AMBRA1: variants seen among roughly 807,000 people sequenced by gnomAD.
The protein encoded by AMBRA1 is autophagy and beclin 1 regulator 1.
A neutral mutation model predicts 125.4 loss-of-function variants in AMBRA1; 47 were observed. That is an observed-to-expected ratio of 0.37 (90% confidence interval 0.30 to 0.48). The LOEUF is 0.48. Among genes scored for constraint, AMBRA1 ranks in the 20% least tolerant of loss-of-function variants. The pLI, the probability that AMBRA1 is intolerant of heterozygous loss-of-function variation, is 0.99. For missense variants in AMBRA1, 1,331 were observed against 1,693.4 expected (o/e 0.79, Z 3.76); for synonymous variants, 626 against 655.5 (o/e 0.95, Z 0.69).
chr11:46,576,050 T>C (rs1287368120), intron 1 of AMBRA1, among the ~76,000 whole-genome samples: 2 of 152,136 alleles, frequency 1.3e-5, no homozygotes, highest in African/African-American at 4.8e-5. Context: ...ACACACTCTA[T>C]GGAAGCTGCA....
At chr11:46,500,402 AC>A (rs1372380984) in intron 9 of AMBRA1, among the ~76,000 whole-genome samples, 1 of 152,244 alleles carries the variant, frequency 6.6e-6, no homozygotes. Context: ...ATCAATACTT[AC>A]AATGCAACCC....
At position 46,530,103 on chromosome 11, in the gene AMBRA1, C is replaced by T. The variant is rs563296427; in HGVS notation, c.2072+11842G>A. 1.4e-4 allele frequency among the ~76,000 whole-genome samples: 22 copies of T among 152,280 alleles called. No homozygotes were observed. The South Asian group carries it at 4.1e-3, about 29-fold the overall frequency. ...CTCCAAAGCACCCTTTAGAGCACTACTCTGAATAGATACAGTAGAGAAGGG... is the reference window on the plus strand; with the variant it reads ...CTCCAAAGCACCCTTTAGAGCACTATTCTGAATAGATACAGTAGAGAAGGG... On this transcript the variant is annotated intron_variant, in intron 7 of 17. Transcript: ENST00000683756.
chr11:46,437,047 G>C (rs1947755018), intron 12 of AMBRA1, among the ~76,000 whole-genome samples: 1 of 152,156 alleles, frequency 6.6e-6, no homozygotes, highest in South Asian at 2.1e-4. Context: ...CAGCTCGTGT[G>C]TGTTAACGTT....
At chr11:46,558,832 C>T (rs2043240372) in intron 1 of AMBRA1, among the ~76,000 whole-genome samples, 2 of 152,150 alleles carry the variant, frequency 1.3e-5, no homozygotes, top group African/African-American at 4.8e-5. Flanking sequence ...CAGTACCTAG[C>T]ACAATGTCTA....
chr11:46,501,349 T>C (rs533478947), intron 9 of AMBRA1, among the ~76,000 whole-genome samples: 2 of 152,266 alleles, frequency 1.3e-5, no homozygotes, highest in South Asian at 4.1e-4. Context: ...TCTGAGTGAG[T>C]GTGGGTGTGT....
chr11:46,517,147 T>A (rs1951525953), intron 7 of AMBRA1, among the ~76,000 whole-genome samples: 1 of 124,160 alleles, frequency 8.1e-6, no homozygotes, highest in South Asian at 2.5e-4. Context: ...ACTCAAAAGC[T>A]TTTTTTTTTT....
At chr11:46,553,573 T>C (rs938354561) in intron 1 of AMBRA1, among the ~76,000 whole-genome samples, 6 of 151,922 alleles carry the variant, frequency 3.9e-5, no homozygotes, top group African/African-American at 1.2e-4. Flanking sequence ...AGTGAAACCC[T>C]GTCTCTACTA....
intron 1 of AMBRA1, among the ~76,000 whole-genome samples, chr11:46,559,567 T>C (rs187170163): frequency 6.6e-6 from 1 of 152,198 alleles, no homozygotes; most frequent in Admixed American, 6.5e-5. Context: ...GATATTCTGA[T>C]AGCAGAGATG....
intron 11 of AMBRA1, among the ~76,000 whole-genome samples, chr11:46,457,035 C>T (rs1948879608): frequency 1.3e-5 from 2 of 152,222 alleles, no homozygotes; most frequent in Admixed American, 6.5e-5. Context: ...TATGAGCCTA[C>T]ATTCACATTA....
At chr11:46,399,767 G>A (rs1945641368) in intron 17 of AMBRA1, among the ~76,000 whole-genome samples, 1 of 152,154 alleles carries the variant, frequency 6.6e-6, no homozygotes, top group Non-Finnish European at 1.5e-5. Flanking sequence ...TTGTTCTCCT[G>A]GGGCTCAATG....
chr11:46,544,911 G>A (rs1432518497), intron 5 of AMBRA1, among the ~76,000 whole-genome samples: 2 of 152,038 alleles, frequency 1.3e-5, no homozygotes, highest in East Asian at 3.9e-4. Context: ...AAGGCCAGTA[G>A]TTCGAGACTA....
At chr11:46,543,853 T>C in intron 6 of AMBRA1, 122 bp downstream of exon 6, 1 of 836,526 alleles carries the variant, frequency 1.2e-6, no homozygotes, top group Non-Finnish European at 1.9e-6. Flanking sequence ...TAGCTTTAAA[T>C]CTTGACTGGA....
rs751089347 is a variant in AMBRA1, at chr11:46,545,725, C to A, written c.430G>T (p.Ala144Ser). 5 of 1,614,150 alleles carry A rather than the reference C, an allele frequency of 3.1e-6. No individual in the cohort carries two copies. In the South Asian group the frequency reaches 4.4e-5, roughly 14 times the overall value. ...AGGAGCTGAGCCGTAGGGTGGAAAGCCAGGGAGGCAATGGCATTGTTGCTA... is the reference window on the plus strand; with the variant it reads ...AGGAGCTGAGCCGTAGGGTGGAAAGACAGGGAGGCAATGGCATTGTTGCTA... ...TDSNNAIASL[A>S]FHPTAQLLLI... Residue 144 changes from alanine to serine, a missense_variant, in exon 5 of 18, where the codon GCT (alanine) becomes TCT (serine). Transcript: ENST00000683756.
In AMBRA1 at chr11:46,408,492, C is replaced by A. The variant is rs147722970; in HGVS notation, c.3403+21G>T. 781 of 1,505,706 alleles carry A rather than the reference C, an allele frequency of 5.2e-4. 5 individuals are homozygous for A. The African/African-American group carries it at 9.7e-3, about 19-fold the overall frequency. 93.3% of individuals were successfully genotyped at this position (1,505,706 alleles called of 1,614,324 possible). ...TCTTAGGGTCCCTCTCCCACCCCCT[C>A]CAGCGCCACATGGCTCCTACCTTCA... On this transcript the variant is annotated intron_variant, in intron 17 of 17. Coordinates refer to ENST00000683756, the MANE Select transcript of AMBRA1 (RefSeq NM_001387011.1).
chr11:46,460,244 C>T (rs1031073100), intron 11 of AMBRA1, among the ~76,000 whole-genome samples: 1 of 152,030 alleles, frequency 6.6e-6, no homozygotes, highest in African/African-American at 2.4e-5. Flanking sequence ...CAAACTATAT[C>T]AACATGGACT....
At chr11:46,435,652 T>C (rs937137424) in intron 12 of AMBRA1, among the ~76,000 whole-genome samples, 2 of 152,248 alleles carry the variant, frequency 1.3e-5, no homozygotes, top group African/African-American at 4.8e-5. Flanking sequence ...CAGCTGCGGC[T>C]GGATGGCCAG....
At chr11:46,413,680 A>G (rs879330045) in intron 15 of AMBRA1, among the ~76,000 whole-genome samples, 1 of 152,042 alleles carries the variant, frequency 6.6e-6, no homozygotes, top group Non-Finnish European at 1.5e-5. Flanking sequence ...CAGTAGAGAC[A>G]GTGTTTCGCC....
intron 11 of AMBRA1, among the ~76,000 whole-genome samples, chr11:46,468,863 G>A (rs1949449381): frequency 6.6e-6 from 1 of 151,380 alleles, no homozygotes; most frequent in Non-Finnish European, 1.5e-5. Flanking sequence ...AAGGAGGAAG[G>A]CCAGACACAG....
intron 14 of AMBRA1, among the ~76,000 whole-genome samples, chr11:46,425,845 CA>C (rs916183757): frequency 1.4e-5 from 2 of 145,792 alleles, no homozygotes; most frequent in Admixed American, 1.4e-4. Flanking sequence ...GTCTCAAAAA[CA>C]AAAAAAAAGA....
Sources: gnomAD v4.1 joint callset for allele counts (sites outside exome capture counted in the v4.1 genomes callset) on GRCh38, gnomAD v4.1.1 for gene constraint, MANE v1.5 for transcripts, NCBI Gene and HGNC (gene_info 2026-07-23, HGNC 2026-07-21) for gene names.